Variants in RNF128 observed in about 807,000 individuals in gnomAD.
RNF128 encodes E3 ubiquitin-protein ligase RNF128.
In RNF128, 13 loss-of-function variants were observed where a neutral mutation model predicts 26.2. That is an observed-to-expected ratio of 0.50 (90% CI 0.32 to 0.79). The LOEUF (loss-of-function observed/expected upper bound fraction) is 0.79. RNF128 is among the 30% of genes least tolerant of loss of function. The pLI, the probability that RNF128 is intolerant of heterozygous loss-of-function variation, is 0.03. For synonymous variants in RNF128, 149 were observed against 142.5 expected, an observed-to-expected ratio of 1.05 and a Z score of -0.32; for missense variants, 315 against 349.7, an observed-to-expected ratio of 0.90 and a Z score of 0.79.
intron 2 of RNF128, among the ~76,000 whole-genome samples, chrX:106,782,547 G>A (rs1930584642): frequency 8.9e-6 from 1 of 111,858 alleles, no homozygotes; most frequent in African/African-American, 3.2e-5. Context: ...CAGAGTTCCA[G>A]TACCAGCTTT....
chrX:106,745,810 A>T (rs750361218), intron 1 of RNF128, among the ~76,000 whole-genome samples: 2 of 111,715 alleles, frequency 1.8e-5, no homozygotes, highest in African/African-American at 6.5e-5. Flanking sequence ...GAAGAAAGAG[A>T]GGCTAGTTTG....
chrX:106,728,659 G>A (rs1210827402), intron 1 of RNF128, among the ~76,000 whole-genome samples: 4 of 111,512 alleles, frequency 3.6e-5, no homozygotes, highest in East Asian at 5.7e-4. Flanking sequence ...GCTGGATGGC[G>A]TAATGGAAAG....
exon 1 of RNF128, chrX:106,694,106 C>A (rs1376588649): frequency 1.7e-6 from 2 of 1,209,420 alleles, no homozygotes; most frequent in Non-Finnish European, 1.1e-6. Context: ...GTGACTGTGA[C>A]TTATTACAAT....
At chrX:106,706,365 C>G (rs1478947549) in intron 1 of RNF128, among the ~76,000 whole-genome samples, 2 of 107,622 alleles carry the variant, frequency 1.9e-5, no homozygotes, top group Non-Finnish European at 3.8e-5. Flanking sequence ...TGTTAAACCT[C>G]AAATAAATGC....
Position 106,773,168 on chromosome X carries a change from A to C in RNF128, c.732+8A>C. 8.3e-7 allele frequency: 1 copy of C among 1,199,392 alleles called. No individual in the cohort carries two copies. The highest frequency in any genetic ancestry group is 1.8e-5 in the South Asian group (1 of 54,423). Reference sequence around the variant, plus strand: ...GCTCAAAGCAGGAAGCAGGTTTGTAATGGTCCTTTCTTCCACTATTAAAAA... The same window carrying C: ...GCTCAAAGCAGGAAGCAGGTTTGTACTGGTCCTTTCTTCCACTATTAAAAA... On this transcript the variant is annotated splice_region_variant and intron_variant, in intron 2 of 6. Coordinates refer to ENST00000255499, the MANE Select transcript of RNF128 (RefSeq NM_194463.2).
intron 1 of RNF128, among the ~76,000 whole-genome samples, chrX:106,763,642 G>T (rs370743721): frequency 8.1e-5 from 9 of 111,313 alleles, no homozygotes; most frequent in African/African-American, 2.9e-4. Flanking sequence ...GAGTAGCTGG[G>T]ACTACAGGCG....
At chrX:106,762,857 A>AC (rs1299104649) in intron 1 of RNF128, among the ~76,000 whole-genome samples, 1 of 109,764 alleles carries the variant, frequency 9.1e-6, no homozygotes, top group Non-Finnish European at 1.9e-5. Flanking sequence ...AACAACGGAC[A>AC]CCGGGGCCTA....
intron 1 of RNF128, among the ~76,000 whole-genome samples, chrX:106,730,856 T>A (rs187075876): frequency 7.8e-4 from 87 of 111,793 alleles, no homozygotes; most frequent in Middle Eastern, 4.7e-3. Flanking sequence ...ATTAATGATT[T>A]GGGGGTCTCC....
At chrX:106,731,414 A>T (rs780686915) in intron 1 of RNF128, among the ~76,000 whole-genome samples, 4 of 111,713 alleles carry the variant, frequency 3.6e-5, no homozygotes, top group Non-Finnish European at 7.5e-5. Flanking sequence ...CTTAATCACC[A>T]CCCAATCCCT....
At chrX:106,735,160 G>A (rs2147672162) in intron 1 of RNF128, among the ~76,000 whole-genome samples, 1 of 111,492 alleles carries the variant, frequency 9.0e-6, no homozygotes, top group East Asian at 2.8e-4. Context: ...ATTTATTAAG[G>A]AAAGTTTGGT....
At chrX:106,767,642 T>C (rs1421443695) in intron 1 of RNF128, among the ~76,000 whole-genome samples, 3 of 111,579 alleles carry the variant, frequency 2.7e-5, no homozygotes, top group African/African-American at 6.5e-5. Context: ...TCTAGATATA[T>C]AATCATGTCA....
rs1006726612 is a variant in RNF128 at position 106,730,206 on chromosome X, T to C, written c.484+2809T>C. ...GCAATCAATTAGGAAAATGAGACTT[T>C]TATGTATACCAAAATTTTTCAAAAG... On this transcript the variant is annotated intron_variant, in intron 1 of 6. Transcript: ENST00000255499. Among the ~76,000 whole-genome samples the C allele has an allele frequency of 2.7e-5, 3 of 112,219 alleles. No homozygotes were observed. In the Admixed American group the frequency reaches 2.8e-4, roughly 11 times the overall value.
chrX:106,726,670 C>G (rs1485299618), upstream of RNF128: 8 of 1,000,728 alleles, frequency 8.0e-6, no homozygotes, highest in East Asian at 3.5e-4. Context: ...CGGAGCTTCA[C>G]GCTAAAGCCC....
chrX:106,701,624 T>C (rs916073921), intron 1 of RNF128, among the ~76,000 whole-genome samples: 1 of 111,444 alleles, frequency 9.0e-6, no homozygotes, highest in Non-Finnish European at 1.9e-5. Flanking sequence ...TGGGTTATTT[T>C]CCAAATACAA....
chrX:106,719,525 G>A (rs1210414042), intron 1 of RNF128, among the ~76,000 whole-genome samples: 1 of 111,434 alleles, frequency 9.0e-6, no homozygotes, highest in Non-Finnish European at 1.9e-5. Flanking sequence ...CTGACCATGG[G>A]CACTTTTAAT....
At chrX:106,778,425 C>T (rs1190315987) in intron 2 of RNF128, among the ~76,000 whole-genome samples, 2 of 112,146 alleles carry the variant, frequency 1.8e-5, no homozygotes, top group Admixed American at 9.5e-5. Context: ...TTGCTTACTC[C>T]TTCCATGTCC....
At chrX:106,777,807 A>T (rs1446900697) in intron 2 of RNF128, among the ~76,000 whole-genome samples, 1 of 111,107 alleles carries the variant, frequency 9.0e-6, no homozygotes, top group Non-Finnish European at 1.9e-5. Context: ...CTGTCCCTGC[A>T]AATAATAGAA....
At chrX:106,758,617 GAAAT>G (rs1387622716) in intron 1 of RNF128, among the ~76,000 whole-genome samples, 1 of 111,263 alleles carries the variant, frequency 9.0e-6, no homozygotes, top group Non-Finnish European at 1.9e-5. Flanking sequence ...AGAGAATTCA[GAAAT>G]AAATCTATAC....
intron 2 of RNF128, among the ~76,000 whole-genome samples, chrX:106,781,896 G>T (rs1031783513): frequency 9.1e-6 from 1 of 110,407 alleles, no homozygotes; most frequent in South Asian, 3.8e-4. Context: ...TTCTAGCATC[G>T]CCCTTAATGC....
Sources: gnomAD v4.1 joint callset for allele counts (sites outside exome capture counted in the v4.1 genomes callset) on GRCh38, gnomAD v4.1.1 for gene constraint, MANE v1.5 for transcripts, NCBI Gene and HGNC (gene_info 2026-07-23, HGNC 2026-07-21) for gene names.